SYT12: variants seen among roughly 807,000 people sequenced by gnomAD.
SYT12 encodes synaptotagmin 12, also known as synaptotagmin-12.
Under a neutral mutation model 39.5 loss-of-function variants are expected in SYT12, and 27 were observed. That is an observed-to-expected ratio of 0.68 (90% CI 0.50 to 0.94). SYT12 has a LOEUF of 0.94. SYT12 is among the 40% of genes least tolerant of loss of function. The pLI is 0.00. For synonymous variants in SYT12, 233 were observed against 239.7 expected, an observed-to-expected ratio of 0.97 and a Z score of 0.26; for missense variants, 536 against 572.6, an observed-to-expected ratio of 0.94 and a Z score of 0.65.
chr11:67,024,537 G>C (rs1020914658), intron 1 of SYT12, among the ~76,000 whole-genome samples: 21 of 152,284 alleles, frequency 1.4e-4, no homozygotes, highest in Middle Eastern at 6.8e-3. Flanking sequence ...TGGCAGCGCT[G>C]CCCACACTGC....
chr11:67,037,246 A>G (rs922619781), intron 3 of SYT12, among the ~76,000 whole-genome samples: 3 of 152,072 alleles, frequency 2.0e-5, no homozygotes, highest in African/African-American at 7.2e-5. Context: ...AAAAACAAAA[A>G]CAAAAAACCT....
At chr11:67,025,894 T>C (rs924264579) in intron 1 of SYT12, among the ~76,000 whole-genome samples, 58 of 152,164 alleles carry the variant, frequency 3.8e-4, no homozygotes, top group African/African-American at 1.3e-3. Context: ...GAAGAGGGGC[T>C]GGACTGGGCT....
chr11:67,035,458 C>CTTTTTTTTTTTTTTTTTTTTTTTTT (rs1213047598), intron 3 of SYT12, among the ~76,000 whole-genome samples: 1 of 90,238 alleles, frequency 1.1e-5, no homozygotes, highest in Non-Finnish European at 2.2e-5. Flanking sequence ...TTTTTCTTTT[C>CTTTTTTTTTTTTTTTTTTTTTTTTT]TTTTTTTTTT....
At chr11:67,010,945 A>G (rs1950008979) in exon 3 of SYT12, 1 of 152,198 alleles carries the variant, frequency 6.6e-6, no homozygotes, top group South Asian at 2.1e-4. Context: ...AACCCACAGC[A>G]CGCCACACAA....
In SYT12 at chr11:67,040,073, C is replaced by G. The variant is rs1477544363; in HGVS notation, c.491C>G (p.Thr164Ser). 23 of 1,613,878 alleles carry G rather than the reference C, an allele frequency of 1.4e-5. No homozygotes were observed. The highest frequency in any genetic ancestry group is 1.9e-5 in the Non-Finnish European group (23 of 1,180,012). Reference sequence around the variant, plus strand: ...GTGGAGGTGAGCATGGAGTACGACACTGCCTCCCACACGCTGAACGTGGCG... The same window carrying G: ...GTGGAGGTGAGCATGGAGTACGACAGTGCCTCCCACACGCTGAACGTGGCG... ...GQVEVSMEYD[T>S]ASHTLNVAVM... is the part of the protein sequence containing the mutation. Residue 164 changes from threonine to serine, a missense_variant, in exon 4 of 8, where the codon ACT (threonine) becomes AGT (serine). Transcript: ENST00000527043.
intron 7 of SYT12, 117 bp downstream of exon 7, chr11:67,045,994 T>C (rs1854536701): frequency 7.3e-7 from 1 of 1,375,928 alleles, no homozygotes; most frequent in Admixed American, 2.2e-5. Context: ...CCTCCAGCCA[T>C]CACTTTCTAG....
At chr11:67,040,870 C>T (rs1457846902) in intron 4 of SYT12, among the ~76,000 whole-genome samples, 1 of 149,350 alleles carries the variant, frequency 6.7e-6, no homozygotes, top group Non-Finnish European at 1.5e-5. Flanking sequence ...TAAAACAGGA[C>T]TGTCCAGGTA....
intron 7 of SYT12, among the ~76,000 whole-genome samples, chr11:67,047,268 ATTT>A (rs1168005453): frequency 2.3e-5 from 3 of 130,046 alleles, no homozygotes; most frequent in Admixed American, 7.8e-5. Context: ...CCCACCCCCA[ATTT>A]TTTTTTTTTT....
chr11:67,030,293 C>A, intron 2 of SYT12, 115 bp downstream of exon 2: 1 of 1,223,014 alleles, frequency 8.2e-7, no homozygotes, highest in Non-Finnish European at 1.2e-6. Context: ...AATGTCTTCA[C>A]TGTCAAGGAC....
Position 67,023,260 on chromosome 11 carries a change from A to C in SYT12, c.-224A>C, listed in dbSNP as rs1235762085. The C allele has an allele frequency of 6.7e-6, 1 of 149,944 alleles. No individual in the cohort carries two copies. The highest frequency in any genetic ancestry group is 1.5e-5 in the Non-Finnish European group (1 of 67,286). The allele number at this position is 149,944 out of a possible 1,614,324, so 9.3% of individuals were successfully genotyped here. A position where few individuals can be genotyped will look rare whatever the true frequency, so the allele number is the denominator to read the frequency against. On this transcript the variant is annotated 5_prime_UTR_variant, in exon 1 of 8. Transcript: ENST00000527043. ...GGCGGGCTCCTGGGAGCGTGCCCGG[A>C]CTGCGGCGCAGCTCCGGTCCGCCGC...
At chr11:67,043,247 C>T (rs1414707731) in intron 4 of SYT12, among the ~76,000 whole-genome samples, 4 of 152,178 alleles carry the variant, frequency 2.6e-5, no homozygotes, top group African/African-American at 7.2e-5. Context: ...GAACCTGGGA[C>T]GTCAGTGGCT....
chr11:67,039,925 C>A lies in SYT12; in HGVS notation c.343C>A (p.Leu115Met). 1 of 1,613,762 alleles carries A rather than the reference C, an allele frequency of 6.2e-7. No individual in the cohort carries two copies. ...CATCAGTGAACTGGGGCCTCTGGAG[C>A]TGATGGGCCGGGAGTTGGACCTGGC... The part of the protein sequence containing the change: ...ESISELGPLE[L>M]MGRELDLAPY... Residue 115 changes from leucine (L) to methionine (M), a missense_variant, in exon 4 of 8, where the codon CTG (leucine) becomes ATG (methionine). Transcript: ENST00000527043.
intron 5 of SYT12, 78 bp downstream of exon 5, chr11:67,043,931 C>T: frequency 7.6e-7 from 1 of 1,321,004 alleles, no homozygotes; most frequent in South Asian, 1.2e-5. Flanking sequence ...CCATCATCCT[C>T]ATCATCCTCT....
chr11:67,009,037 G>A (rs12290308), intron 1 of SYT12, among the ~76,000 whole-genome samples: 5,621 of 152,110 alleles, frequency 0.037, 333 homozygotes, highest in African/African-American at 0.13. Flanking sequence ...TTGAGACAAG[G>A]TCTGGCTCTG....
At chr11:67,010,455 A>G (rs1950005494) in intron 2 of SYT12, among the ~76,000 whole-genome samples, 1 of 152,178 alleles carries the variant, frequency 6.6e-6, no homozygotes, top group Non-Finnish European at 1.5e-5. Flanking sequence ...AGTGGACAAC[A>G]TGATGTAGCC....
intron 2 of SYT12, chr11:67,032,240 T>C (rs1177397566): frequency 6.6e-6 from 1 of 152,232 alleles, no homozygotes; most frequent in African/African-American, 2.4e-5. Flanking sequence ...ATGACCTCAA[T>C]TGTCATTCTC....
chr11:67,023,219 G>C lies in SYT12; in HGVS notation c.-265G>C, dbSNP rs956555362. 1.3e-5 allele frequency: 2 copies of C among 151,632 alleles called. No individual in the cohort carries two copies. The highest frequency in any genetic ancestry group is 4.8e-5 in the African/African-American group (2 of 41,388). 9.4% of individuals were successfully genotyped at this position (151,632 alleles called of 1,614,324 possible). A position where few individuals can be genotyped will look rare whatever the true frequency, so the allele number is the denominator to read the frequency against. The stretch of plus-strand genomic sequence containing the variant: ...AGGGAGCGGGCGGGCAAGCGGGCGA[G>C]CGCGAGGGAGCGCGCGGCGGGCTCC... On this transcript the variant is annotated 5_prime_UTR_variant, in exon 1 of 8. Coordinates refer to ENST00000527043, the MANE Select transcript of SYT12 (RefSeq NM_177963.4).
At chr11:67,035,422 C>T (rs1468555724) in intron 3 of SYT12, among the ~76,000 whole-genome samples, 1 of 145,124 alleles carries the variant, frequency 6.9e-6, no homozygotes, top group Non-Finnish European at 1.5e-5. Flanking sequence ...TTTCTTCTTA[C>T]TTTCTTTTTT....
intron 3 of SYT12, 103 bp downstream of exon 3, chr11:67,034,941 C>G (rs544126230): frequency 3.5e-6 from 3 of 851,860 alleles, no homozygotes; most frequent in Admixed American, 3.4e-5. Flanking sequence ...CCACCTCCTC[C>G]TGGTTAATGT....
Sources: gnomAD v4.1 joint callset for allele counts (sites outside exome capture counted in the v4.1 genomes callset) on GRCh38, gnomAD v4.1.1 for gene constraint, MANE v1.5 for transcripts, NCBI Gene and HGNC (gene_info 2026-07-23, HGNC 2026-07-21) for gene names.